VCX: variants seen among roughly 807,000 people sequenced by gnomAD.
The protein encoded by VCX is variable charge X-linked.
For missense variants in VCX, 45 were observed against 171.8 expected, an observed-to-expected ratio of 0.26 and a Z score of 4.13; for synonymous variants, 17 against 79.4, an observed-to-expected ratio of 0.21 and a Z score of 4.18.
chrX:7,843,964 T>C lies in VCX; in HGVS notation c.569T>C (p.Val190Ala), dbSNP rs776735414. 3.8e-6 allele frequency: 3 copies of C among 785,632 alleles called. No individual in the cohort carries two copies. The highest frequency in any genetic ancestry group is 5.3e-6 in the Non-Finnish European group (3 of 565,962). 64.7% of individuals were successfully genotyped at this position (785,632 alleles called of 1,213,427 possible). Reference sequence around the variant, plus strand: ...GAACCACTGAGTCAGGAGAGCCAGGTGGAGGAACCACCGAGTCAGGAGAGC... The same window carrying C: ...GAACCACTGAGTCAGGAGAGCCAGGCGGAGGAACCACCGAGTCAGGAGAGC... ...MEEPLSQESQ[V>A]EEPPSQESEM... The change falls in exon 2 of 2, where the codon GTG (valine) becomes GCG (alanine). Residue 190 changes from valine (V) to alanine (A), a missense_variant. Val to Ala is a moderately conservative substitution (Grantham distance 64). Coordinates refer to ENST00000688183, the MANE Select transcript of VCX (RefSeq NM_001393662.1).
chrX:7,842,611 G>A (rs111462905), upstream of VCX: 721 of 124,331 alleles, frequency 5.8e-3, 6 homozygotes, highest in African/African-American at 0.023. Context: ...GTCTCAAACT[G>A]CCGACCTCAG....
chrX:7,842,999 CTT>C, upstream of VCX: 1 of 69,499 alleles, frequency 1.4e-5, no homozygotes, highest in Non-Finnish European at 2.6e-5. Context: ...CCGCCCCCGA[CTT>C]CATCCGCCAT....
In VCX at chrX:7,843,284, C is replaced by A; in HGVS notation, c.81C>A (p.Ser27Arg). Residue 27 changes from serine (S) to arginine (R), a missense_variant, in exon 1 of 2, where the codon AGC (serine) becomes AGA (arginine). Ser to Arg is a moderately radical substitution (Grantham distance 110). Coordinates refer to ENST00000688183, the MANE Select transcript of VCX (RefSeq NM_001393662.1). Reference protein sequence around the residue: ...AGKRKSSSQPSPSDPKKKTTK... With the variant: ...AGKRKSSSQPRPSDPKKKTTK... ...AGAGGAAGTCCTCCTCTCAGCCGAG[C>A]CCCAGTGACCCGAAGAAGAAGGTGA... 1 of 1,196,639 alleles carries A rather than the reference C, an allele frequency of 8.4e-7. No individual in the cohort carries two copies. Among genetic ancestry groups the A allele is most frequent in the East Asian group, 3.0e-5 (1 of 33,545 alleles).
At position 7,843,544 on chromosome X, in the gene VCX, GC is replaced by G. The variant is rs1337095497; in HGVS notation, c.150del (p.Lys52ArgfsTer11). The G allele has an allele frequency of 4.3e-6, 5 of 1,165,979 alleles. No individual in the cohort carries two copies. The highest frequency in any genetic ancestry group is 5.8e-6 in the Non-Finnish European group (5 of 869,145). On this transcript the variant is annotated frameshift_variant, in exon 2 of 2. Transcript: ENST00000688183. LOFTEE classifies it low-confidence loss of function (END_TRUNC). ...KKGKAVRRGR[R>X]GKKGAATKMA... ...GGAAAAGCAGTTCGTAGAGGGAGAC[GC>G]GGGAAGAAAGGGGCTGCGACAAAGA...
chrX:7,843,942 C>T lies in VCX; in HGVS notation c.547C>T (p.Pro183Ser). Residue 183 changes from proline (P) to serine (S), a missense_variant, in exon 2 of 2, where the codon CCA becomes TCA. Physicochemically the swap from Pro to Ser is moderately conservative, Grantham distance 74 (BLOSUM62 -1). Coordinates refer to ENST00000688183, the MANE Select transcript of VCX (RefSeq NM_001393662.1). Reference sequence around the variant, plus strand: ...GAGTCAGGAGAGCGAGATGGAAGAACCACTGAGTCAGGAGAGCCAGGTGGA... The same window carrying T: ...GAGTCAGGAGAGCGAGATGGAAGAATCACTGAGTCAGGAGAGCCAGGTGGA... The part of the protein sequence containing the change: ...PLSQESEMEE[P>S]LSQESQVEEP... 1.2e-6 allele frequency: 1 copy of T among 810,692 alleles called. No individual in the cohort carries two copies. The highest frequency in any genetic ancestry group is 3.6e-5 in the East Asian group (1 of 27,833). 66.8% of individuals were successfully genotyped at this position (810,692 alleles called of 1,213,427 possible).
Position 7,844,089 on chromosome X carries a change from A to G in VCX, c.*73A>G, listed in dbSNP as rs201553663. 0.069 allele frequency: 64,602 copies of G among 938,717 alleles called. 1,136 individuals carry two copies. Among genetic ancestry groups the G allele is most frequent in the African/African-American group, 0.23 (5,474 of 24,117 alleles). 77.4% of individuals were successfully genotyped at this position (938,717 alleles called of 1,213,427 possible). On this transcript the variant is annotated 3_prime_UTR_variant, in exon 2 of 2. Coordinates refer to ENST00000688183, the MANE Select transcript of VCX (RefSeq NM_001393662.1). ...CCAGCCGCCAGACCTCAGAGATCTC[A>G]CCAGCGGGGTGCTTGCCATTCTGAA...
At chrX:7,842,813 G>A (rs1256427614), upstream of VCX, 16 of 269,620 alleles carry the variant, frequency 5.9e-5, no homozygotes, top group African/African-American at 9.3e-5. Context: ...TGGGAGGTCC[G>A]GGGGAAACAT....
chrX:7,842,714 T>C (rs370514207), upstream of VCX: 49 of 187,485 alleles, frequency 2.6e-4, 1 homozygote, highest in South Asian at 8.7e-4. Context: ...GCCCTCCGTC[T>C]ATCCCAGTTA....
At position 7,844,007 on chromosome X, in the gene VCX, G is replaced by C. The variant is rs746700046; in HGVS notation, c.612G>C (p.Pro204=). 2.7e-5 allele frequency: 30 copies of C among 1,101,073 alleles called. 1 individual carries two copies. The highest frequency in any genetic ancestry group is 2.2e-4 in the Admixed American group (9 of 40,195). The allele number at this position is 1,101,073 out of a possible 1,213,427, so 90.7% of individuals were successfully genotyped here. Residue 204 remains proline, a synonymous_variant, in exon 2 of 2, where the codon CCG becomes CCC. Transcript: ENST00000688183. ...AGGAGAGCGAGATGGAAGAACTACC[G>C]AGTGTGTAGACGGCCAAGTACTCCC... ...PSQESEMEEL[P]SV
upstream of VCX, chrX:7,842,993 C>CCCCCCCCCA: frequency 1.6e-5 from 1 of 63,788 alleles, no homozygotes; most frequent in Non-Finnish European, 2.9e-5. Context: ...CCCCCCCCGC[C>CCCCCCCCCA]CCCGACTTCA....
rs200750165 is a variant in VCX, at chrX:7,843,513, A to G, written c.118A>G (p.Lys40Glu). The G allele has an allele frequency of 2.2e-3, 2,538 of 1,170,415 alleles. No homozygotes were observed. Among genetic ancestry groups the G allele is most frequent in the East Asian group, 7.0e-3 (227 of 32,509 alleles). The change falls in exon 2 of 2, where the codon AAG becomes GAG. Residue 40 changes from lysine (K) to glutamate (E), a missense_variant. Physicochemically the swap from Lys to Glu is moderately conservative, Grantham distance 56. Transcript: ENST00000688183. Reference sequence around the variant, plus strand: ...GTCCTTCCAGACTACCAAGGTGGCCAAGAAGGGAAAAGCAGTTCGTAGAGG... The same window carrying G: ...GTCCTTCCAGACTACCAAGGTGGCCGAGAAGGGAAAAGCAGTTCGTAGAGG... ...DPKKKTTKVA[K>E]KGKAVRRGRR...
chrX:7,843,750 G>C lies in VCX; in HGVS notation c.355G>C (p.Glu119Gln), dbSNP rs145031359. ...ELEEPLSQES[E>Q]VEEPLSQESQ... Reference sequence around the variant, plus strand: ...GGAGGAACCACTGAGTCAGGAGAGCGAGGTGGAAGAACCACTGAGTCAGGA... The same window carrying C: ...GGAGGAACCACTGAGTCAGGAGAGCCAGGTGGAAGAACCACTGAGTCAGGA... The change falls in exon 2 of 2, where the codon GAG (glutamate) becomes CAG (glutamine). Residue 119 changes from glutamate to glutamine, a missense_variant. Coordinates refer to ENST00000688183, the MANE Select transcript of VCX (RefSeq NM_001393662.1). 9.1e-6 allele frequency: 10 copies of C among 1,101,333 alleles called. No homozygotes were observed. Among genetic ancestry groups the C allele is most frequent in the Admixed American group, 2.6e-5 (1 of 39,077 alleles). 90.8% of individuals were successfully genotyped at this position (1,101,333 alleles called of 1,213,427 possible).
In VCX at chrX:7,843,180, T is replaced by C. The variant is rs1922429090; in HGVS notation, c.-24T>C. ...CAGGCAGCCTGGAGTTAGCCGACCG[T>C]TGCGAGACGTTGAGCTGCGGAAGAT... On this transcript the variant is annotated 5_prime_UTR_variant, in exon 1 of 2. Coordinates refer to ENST00000688183, the MANE Select transcript of VCX (RefSeq NM_001393662.1). 2 of 1,163,094 alleles carry C rather than the reference T, an allele frequency of 1.7e-6. No homozygotes were observed. The highest frequency in any genetic ancestry group is 2.3e-6 in the Non-Finnish European group (2 of 862,927).
Position 7,844,104 on chromosome X carries a change from G to A in VCX, c.*88G>A, listed in dbSNP as rs1922529830. On this transcript the variant is annotated 3_prime_UTR_variant, in exon 2 of 2. Transcript: ENST00000688183. ...CAGAGATCTCACCAGCGGGGTGCTT[G>A]CCATTCTGAAGATAATAAAATGAAT... is the stretch of plus-strand genomic sequence containing the variant. 1 of 1,085,916 alleles carries A rather than the reference G, an allele frequency of 9.2e-7. No individual in the cohort carries two copies. The highest frequency in any genetic ancestry group is 1.2e-6 in the Non-Finnish European group (1 of 821,444). 89.5% of individuals were successfully genotyped at this position (1,085,916 alleles called of 1,213,427 possible).
chrX:7,842,594 C>G (rs1922400969), upstream of VCX: 2 of 121,977 alleles, frequency 1.6e-5, no homozygotes, highest in South Asian at 5.2e-4. Context: ...CCATGTAGGT[C>G]AGGCTGGTCT....
chrX:7,842,571 A>G (rs1368019900), upstream of VCX: 1 of 116,201 alleles, frequency 8.6e-6, no homozygotes, highest in African/African-American at 3.3e-5. Flanking sequence ...TTTTTCGTAG[A>G]GATGGGTTTT....
chrX:7,842,817 G>GAAAC (rs1194965580), upstream of VCX: 3 of 275,951 alleles, frequency 1.1e-5, no homozygotes, highest in Non-Finnish European at 1.9e-5. Context: ...AGGTCCGGGG[G>GAAAC]AAACATGTGG....
At position 7,844,008 on chromosome X, in the gene VCX, A is replaced by T; in HGVS notation, c.613A>T (p.Ser205Cys). Residue 205 changes from serine (S) to cysteine (C), a missense_variant, in exon 2 of 2, where the codon AGT becomes TGT. Transcript: ENST00000688183. ...SQESEMEELP[S>C]V ...GGAGAGCGAGATGGAAGAACTACCG[A>T]GTGTGTAGACGGCCAAGTACTCCCC... is the stretch of plus-strand genomic sequence containing the variant. 1 of 1,110,714 alleles carries T rather than the reference A, an allele frequency of 9.0e-7. No individual in the cohort carries two copies. The highest frequency in any genetic ancestry group is 1.2e-6 in the Non-Finnish European group (1 of 823,448). The allele number at this position is 1,110,714 out of a possible 1,213,427, so 91.5% of individuals were successfully genotyped here.
chrX:7,843,142 T>A (rs1922425920), upstream of VCX: 2 of 1,141,286 alleles, frequency 1.8e-6, no homozygotes, highest in Admixed American at 4.5e-5. Context: ...GAGAGGGGTA[T>A]ATACAGGGAG....
Sources: allele counts gnomAD v4.1 joint callset, GRCh38; gene constraint gnomAD v4.1.1; transcripts MANE v1.5; gene names NCBI Gene and HGNC (gene_info 2026-07-23, HGNC 2026-07-21).